EYS: variants seen among roughly 807,000 people sequenced by gnomAD.
EYS encodes EGF-like photoreceptor maintenance factor.
A neutral mutation model predicts 282.1 loss-of-function variants in EYS; 250 were observed. The ratio of observed to expected loss-of-function variants is 0.89; its 90% CI spans 0.80 to 0.98. The LOEUF is 0.98. Among genes scored for constraint, EYS ranks in the 50% least tolerant of loss-of-function variants. The pLI is 0.00. For synonymous variants in EYS, 1,355 were observed against 1,282.9 expected (o/e 1.06, Z -1.20); for missense variants, 4,016 against 3,709.0 (o/e 1.08, Z -2.15).
chr6:65,244,046 G>A (rs1337985280), intron 12 of EYS, among the ~76,000 whole-genome samples: 1 of 151,918 alleles, frequency 6.6e-6, no homozygotes, highest in Non-Finnish European at 1.5e-5. Flanking sequence ...ATCTGAGCTG[G>A]GCCTATTGAA....
chr6:65,617,161 T>C (rs1766232383), intron 2 of EYS, among the ~76,000 whole-genome samples: 1 of 152,108 alleles, frequency 6.6e-6, no homozygotes, highest in Non-Finnish European at 1.5e-5. Context: ...ATCAAGAGTG[T>C]TAGAAACCTA....
At chr6:64,816,303 C>T (rs998410749) in intron 21 of EYS, among the ~76,000 whole-genome samples, 7 of 151,996 alleles carry the variant, frequency 4.6e-5, no homozygotes, top group East Asian at 3.9e-4. Flanking sequence ...TTTTTAAATG[C>T]GTATATTCAA....
chr6:65,011,322 C>T (rs1771859477), intron 13 of EYS, among the ~76,000 whole-genome samples: 2 of 152,110 alleles, frequency 1.3e-5, no homozygotes, highest in South Asian at 4.1e-4. Flanking sequence ...AGAAATAATC[C>T]CCTGCATTGC....
intron 28 of EYS, among the ~76,000 whole-genome samples, chr6:64,404,112 TAA>T (rs905229185): frequency 2.0e-4 from 30 of 152,282 alleles, no homozygotes; most frequent in African/African-American, 6.7e-4. Flanking sequence ...GTCACATAAT[TAA>T]GTTTGATAAA....
Position 65,620,181 on chromosome 6 carries a change from C to T in EYS, c.-333+19597G>A, listed in dbSNP as rs201047718. On this transcript the variant is annotated intron_variant, in intron 2 of 42. Coordinates refer to ENST00000503581, the MANE Select transcript of EYS (RefSeq NM_001142800.2). ...AGAATTCGGCTGTGAATCCATCTGGCCCTGGACTCTTTTTGGTTGGTAAGC... is the reference window on the plus strand; with the variant it reads ...AGAATTCGGCTGTGAATCCATCTGGTCCTGGACTCTTTTTGGTTGGTAAGC... Among the ~76,000 whole-genome samples the T allele has an allele frequency of 6.6e-5, 10 of 152,208 alleles. No homozygotes were observed. The East Asian group carries it at 1.2e-3, about 18-fold the overall frequency.
chr6:64,800,751 T>A (rs918960904), intron 22 of EYS, among the ~76,000 whole-genome samples: 2 of 151,932 alleles, frequency 1.3e-5, no homozygotes, highest in African/African-American at 4.8e-5. Flanking sequence ...ACTTAAAAAA[T>A]AAAAATAATC....
chr6:65,471,487 A>G (rs1765216826), intron 5 of EYS, among the ~76,000 whole-genome samples: 1 of 152,168 alleles, frequency 6.6e-6, no homozygotes, highest in Admixed American at 6.5e-5. Context: ...TTATATTAGT[A>G]CAAGAGAGTA....
chr6:65,026,789 C>A (rs188320606), intron 13 of EYS, among the ~76,000 whole-genome samples: 1 of 151,960 alleles, frequency 6.6e-6, no homozygotes, highest in East Asian at 1.9e-4. Context: ...TGGTGGCGGG[C>A]GCCTGTAATC....
chr6:65,366,740 T>G (rs1764925145), intron 8 of EYS, among the ~76,000 whole-genome samples: 1 of 151,660 alleles, frequency 6.6e-6, no homozygotes, highest in South Asian at 2.1e-4. Flanking sequence ...GGAATCAGTC[T>G]TATTAATGTA....
chr6:64,623,645 T>G (rs1767514441), intron 23 of EYS, among the ~76,000 whole-genome samples: 2 of 152,092 alleles, frequency 1.3e-5, no homozygotes, highest in African/African-American at 4.8e-5. Flanking sequence ...GAATTTTCAA[T>G]AAAAATTATA....
At chr6:64,674,378 A>G (rs1165500722) in intron 22 of EYS, among the ~76,000 whole-genome samples, 2 of 147,990 alleles carry the variant, frequency 1.4e-5, no homozygotes, top group African/African-American at 2.5e-5. Context: ...TTTTTTTCTT[A>G]TGTGATGGGA....
At chr6:64,820,412 T>C (rs1478260990) in intron 21 of EYS, among the ~76,000 whole-genome samples, 1 of 152,100 alleles carries the variant, frequency 6.6e-6, no homozygotes, top group African/African-American at 2.4e-5. Context: ...ATTTGTACTA[T>C]TAAGAAATAT....
At chr6:64,994,681 A>C (rs1771187050) in intron 14 of EYS, among the ~76,000 whole-genome samples, 1 of 152,140 alleles carries the variant, frequency 6.6e-6, no homozygotes, top group African/African-American at 2.4e-5. Flanking sequence ...AAGCAAGTAA[A>C]TATAAAACTC....
intron 31 of EYS, among the ~76,000 whole-genome samples, chr6:64,210,448 T>C (rs1708235798): frequency 6.6e-6 from 1 of 152,140 alleles, no homozygotes. Context: ...TGTCTCCTTT[T>C]GTGTCCAAAT....
At chr6:65,089,122 C>A (rs1420721483) in intron 12 of EYS, among the ~76,000 whole-genome samples, 1 of 152,156 alleles carries the variant, frequency 6.6e-6, no homozygotes, top group East Asian at 1.9e-4. Context: ...TAGGGCAGTG[C>A]AGAAGGGAAA....
At chr6:64,481,140 G>A (rs1776425300) in intron 26 of EYS, among the ~76,000 whole-genome samples, 1 of 150,526 alleles carries the variant, frequency 6.6e-6, no homozygotes, top group South Asian at 2.1e-4. Flanking sequence ...ATTATAAAAA[G>A]CCACTGAAAA....
chr6:65,363,519 G>C (rs1016453361), intron 8 of EYS, among the ~76,000 whole-genome samples: 5 of 151,734 alleles, frequency 3.3e-5, no homozygotes, highest in African/African-American at 9.7e-5. Context: ...TAAATGTTAT[G>C]ATTGATGTTG....
At chr6:65,554,058 G>A (rs1240762557) in intron 2 of EYS, among the ~76,000 whole-genome samples, 1 of 152,082 alleles carries the variant, frequency 6.6e-6, no homozygotes, top group African/African-American at 2.4e-5. Context: ...AAATTCACTA[G>A]TTCTCTTTTT....
chr6:65,328,341 C>T (rs1004350588), intron 11 of EYS, among the ~76,000 whole-genome samples: 1 of 151,356 alleles, frequency 6.6e-6, no homozygotes, highest in African/African-American at 2.4e-5. Flanking sequence ...TTTCACCCAA[C>T]CATGTACTAG....
Sources: gnomAD v4.1 joint callset for allele counts (sites outside exome capture counted in the v4.1 genomes callset) on GRCh38, gnomAD v4.1.1 for gene constraint, MANE v1.5 for transcripts, NCBI Gene and HGNC (gene_info 2026-07-23, HGNC 2026-07-21) for gene names.